MAGED1: variants seen among roughly 807,000 people sequenced by gnomAD.
MAGED1 encodes the protein melanoma-associated antigen D1.
MAGED1 carries 3 observed loss-of-function variants against 54.1 expected under a neutral mutation model. That is an observed-to-expected ratio of 0.06 (90% CI 0.03 to 0.14). The LOEUF is 0.14. Among genes scored for constraint, MAGED1 ranks in the 10% least tolerant of loss-of-function variants. The probability of loss-of-function intolerance (pLI) is 1.00; values close to 1 mark genes in which losing one functional copy is unlikely to be tolerated. For synonymous variants in MAGED1, 217 were observed against 227.3 expected (o/e 0.95, Z 0.41); for missense variants, 485 against 623.4 (o/e 0.78, Z 2.36).
chrX:51,871,089 CT>C (rs1369975075), intron 1 of MAGED1, among the ~76,000 whole-genome samples: 1 of 112,163 alleles, frequency 8.9e-6, no homozygotes, highest in Non-Finnish European at 1.9e-5. Context: ...CTGCATAAGA[CT>C]CTGCCTCTGC....
At chrX:51,894,662 C>G in intron 2 of MAGED1, 1 of 1,187,073 alleles carries the variant, frequency 8.4e-7, no homozygotes, top group Non-Finnish European at 1.1e-6. Flanking sequence ...GTCACCCCCT[C>G]CCCCAGCCTC....
At chrX:51,834,295 G>C (rs1926169490) in intron 1 of MAGED1, among the ~76,000 whole-genome samples, 2 of 111,640 alleles carry the variant, frequency 1.8e-5, no homozygotes, top group African/African-American at 6.5e-5. Context: ...TCAAACCACA[G>C]GTGAGAATCC....
intron 1 of MAGED1, among the ~76,000 whole-genome samples, chrX:51,804,722 AAAAC>A (rs1924969612): frequency 9.0e-6 from 1 of 111,673 alleles, no homozygotes; most frequent in African/African-American, 3.3e-5. Context: ...AAAAAAGAAA[AAAAC>A]AAAAAAAGAA....
chrX:51,895,504 C>T lies in MAGED1; in HGVS notation c.497C>T (p.Ser166Phe). The change falls in exon 3 of 13, where the codon TCT (serine) becomes TTT (phenylalanine). Residue 166 changes from serine to phenylalanine, a missense_variant. Physicochemically the swap from Ser to Phe is radical, Grantham distance 155. This residue lies in a region of MAGED1 where 299 missense variants were observed against 293.1 expected (regional missense o/e 1.02). Coordinates refer to ENST00000326587, the MANE Select transcript of MAGED1 (RefSeq NM_006986.4). ...GPNATYNFSQ[S>F]LNANDLANSR... Reference sequence around the variant, plus strand: ...AATGCCACCTACAATTTCTCTCAGTCTCTCAATGCCAATGACCTGGCCAAC... The same window carrying T: ...AATGCCACCTACAATTTCTCTCAGTTTCTCAATGCCAATGACCTGGCCAAC... The T allele has an allele frequency of 8.3e-7, 1 of 1,210,634 alleles. No homozygotes were observed. Among genetic ancestry groups the T allele is most frequent in the Non-Finnish European group, 1.1e-6 (1 of 894,901 alleles).
At position 51,896,595 on chromosome X, in the gene MAGED1, A is replaced by G. The variant is rs782429347; in HGVS notation, c.940A>G (p.Arg314Gly). Residue 314 changes from arginine (R) to glycine (G), a missense_variant, in exon 4 of 13, where the codon AGG becomes GGG. Physicochemically the swap from Arg to Gly is moderately radical, Grantham distance 125. Coordinates refer to ENST00000326587, the MANE Select transcript of MAGED1 (RefSeq NM_006986.4). ...CTCAGGCTGGCAAAACCAGACAGCC[A>G]GGCAGACCCCACCAGCACGTCAGAG... The part of the protein sequence containing the change: ...NPSGWQNQTA[R>G]QTPPARQSPP... 5 of 1,211,978 alleles carry G rather than the reference A, an allele frequency of 4.1e-6. No homozygotes were observed. The highest frequency in any genetic ancestry group is 5.6e-6 in the Non-Finnish European group (5 of 895,547).
At chrX:51,865,683 G>A (rs782216742) in intron 1 of MAGED1, among the ~76,000 whole-genome samples, 5 of 111,155 alleles carry the variant, frequency 4.5e-5, no homozygotes. Flanking sequence ...AAGTAATTCA[G>A]GGCTCATCAT....
At position 51,896,378 on chromosome X, in the gene MAGED1, G is replaced by A. The variant is rs782109158; in HGVS notation, c.754-31G>A. ...ATAAGGTGAGGACACAGAACCCACT[G>A]GTGATTCTGAACTTCTCTCTGATGA... On this transcript the variant is annotated intron_variant, in intron 3 of 12. Transcript: ENST00000326587. The A allele has an allele frequency of 2.6e-6, 3 of 1,160,976 alleles. No individual in the cohort carries two copies. The South Asian group carries it at 5.8e-5, about 22-fold the overall frequency.
intron 1 of MAGED1, among the ~76,000 whole-genome samples, chrX:51,843,310 T>G (rs1926575265): frequency 8.9e-6 from 1 of 111,980 alleles, no homozygotes; most frequent in African/African-American, 3.2e-5. Context: ...CAGATATGAT[T>G]AAGACTTTGA....
intron 1 of MAGED1, among the ~76,000 whole-genome samples, chrX:51,826,030 C>T (rs906350690): frequency 5.3e-5 from 6 of 112,434 alleles, no homozygotes; most frequent in Non-Finnish European, 7.5e-5. Flanking sequence ...GATGCCACTG[C>T]TAAACAGCTG....
chrX:51,814,741 A>G (rs1233270404), intron 1 of MAGED1, among the ~76,000 whole-genome samples: 1 of 110,655 alleles, frequency 9.0e-6, no homozygotes, highest in Non-Finnish European at 1.9e-5. Context: ...TGCGTTACTC[A>G]CGTATTTATG....
At chrX:51,850,361 G>A (rs1926841992) in intron 1 of MAGED1, among the ~76,000 whole-genome samples, 1 of 112,458 alleles carries the variant, frequency 8.9e-6, no homozygotes, top group African/African-American at 3.2e-5. Flanking sequence ...AGGGCCTACA[G>A]AGTGGTGATT....
At chrX:51,821,665 C>T (rs1557356540) in intron 1 of MAGED1, among the ~76,000 whole-genome samples, 1 of 112,085 alleles carries the variant, frequency 8.9e-6, no homozygotes, top group African/African-American at 3.2e-5. Flanking sequence ...GCTAGGATTA[C>T]AGGCGTGAGC....
chrX:51,825,954 G>A (rs897839143), intron 1 of MAGED1, among the ~76,000 whole-genome samples: 8 of 112,060 alleles, frequency 7.1e-5, no homozygotes, highest in African/African-American at 1.9e-4. Context: ...TTTAAGTAGC[G>A]TCTTCTGGGG....
At chrX:51,894,895 C>T (rs1557363983) in intron 2 of MAGED1, 158 bp from the exon 3 acceptor site, 1 of 962,365 alleles carries the variant, frequency 1.0e-6, no homozygotes, top group Non-Finnish European at 1.4e-6. Flanking sequence ...CCCATCGCCC[C>T]TCGCGGGCCC....
At chrX:51,848,542 C>A (rs188978636) in intron 1 of MAGED1, among the ~76,000 whole-genome samples, 3 of 112,082 alleles carry the variant, frequency 2.7e-5, no homozygotes, top group Non-Finnish European at 3.8e-5. Context: ...GCAGCACTTG[C>A]ATGACTAGCC....
chrX:51,812,382 G>A (rs1484118871), intron 1 of MAGED1, among the ~76,000 whole-genome samples: 1 of 110,456 alleles, frequency 9.1e-6, no homozygotes, highest in Non-Finnish European at 1.9e-5. Flanking sequence ...AGGAAAAGGG[G>A]CAAATGGAAA....
At chrX:51,875,166 C>G (rs979075871) in intron 1 of MAGED1, among the ~76,000 whole-genome samples, 2 of 111,040 alleles carry the variant, frequency 1.8e-5, no homozygotes, top group Non-Finnish European at 3.8e-5. Flanking sequence ...CACTTGTTCC[C>G]TTTAATCCTT....
intron 1 of MAGED1, among the ~76,000 whole-genome samples, chrX:51,821,171 T>C (rs1000468023): frequency 8.9e-6 from 1 of 112,066 alleles, no homozygotes; most frequent in Non-Finnish European, 1.9e-5. Context: ...GTTCTAGTAG[T>C]TTTTAGTGGA....
At position 51,898,181 on chromosome X, in the gene MAGED1, C is replaced by T. The variant is rs375975220; in HGVS notation, c.1726C>T (p.Arg576Cys). The change falls in exon 8 of 13, where the codon CGT becomes TGT. Residue 576 changes from arginine (R) to cysteine (C), a missense_variant. Physicochemically the swap from Arg to Cys is radical, Grantham distance 180. This residue lies in a region of MAGED1 where 186 missense variants were observed against 330.3 expected (regional missense o/e 0.56). Coordinates refer to ENST00000326587, the MANE Select transcript of MAGED1 (RefSeq NM_006986.4). ...GGGTGTCATCTTCATGAATGGCAAC[C>T]GTGCCAGTGAGGGTGAGTGGCTGGA... ...ILGVIFMNGN[R>C]ASEAVLWEAL... The T allele has an allele frequency of 8.3e-7, 1 of 1,211,056 alleles. No individual in the cohort carries two copies. Among genetic ancestry groups the T allele is most frequent in the Non-Finnish European group, 1.1e-6 (1 of 894,917 alleles).
Sources: allele counts gnomAD v4.1 joint callset (sites outside exome capture counted in the v4.1 genomes callset), GRCh38; gene constraint gnomAD v4.1.1; regional missense constraint gnomAD v4.1.1; transcripts MANE v1.5; gene names NCBI Gene and HGNC (gene_info 2026-07-23, HGNC 2026-07-21).